The following VAT1L variants were observed in gnomAD, a reference collection of about 807,000 sequenced individuals.
VAT1L encodes the protein putative NADPH-dependent quinone oxidoreductase VAT1L.
In VAT1L, 34 loss-of-function variants were observed where a neutral mutation model predicts 44.1. That is an observed-to-expected ratio of 0.77 (90% CI 0.59 to 1.03). The LOEUF (loss-of-function observed/expected upper bound fraction) is 1.03, where lower values mean the gene tolerates loss of function less well. Among genes scored for constraint, VAT1L ranks in the 50% least tolerant of loss-of-function variants. The probability of loss-of-function intolerance (pLI) is 0.00; values close to 1 mark genes in which losing one functional copy is unlikely to be tolerated. For synonymous variants in VAT1L, 253 were observed against 202.2 expected (o/e 1.25, Z -2.13); for missense variants, 615 against 538.8 (o/e 1.14, Z -1.40).
intron 7 of VAT1L, among the ~76,000 whole-genome samples, chr16:77,964,159 GCT>G (rs1567524073): frequency 6.6e-6 from 1 of 152,078 alleles, no homozygotes; most frequent in African/African-American, 2.4e-5. Flanking sequence ...CTATTGCTCA[GCT>G]CTTTCTGTGG....
intron 7 of VAT1L, among the ~76,000 whole-genome samples, chr16:77,923,120 C>T (rs570573815): frequency 6.6e-6 from 1 of 152,298 alleles, no homozygotes; most frequent in East Asian, 1.9e-4. Context: ...CCCCCCGAAC[C>T]TCGGCTTCTG....
chr16:77,951,874 G>A (rs115127209), intron 7 of VAT1L, among the ~76,000 whole-genome samples: 48 of 150,800 alleles, frequency 3.2e-4, no homozygotes, highest in African/African-American at 1.1e-3. Flanking sequence ...CAAACTGAAA[G>A]CTGTTACTAG....
chr16:77,828,288 A>G (rs950700989), intron 3 of VAT1L, among the ~76,000 whole-genome samples: 4 of 152,236 alleles, frequency 2.6e-5, no homozygotes, highest in Non-Finnish European at 1.5e-5. Context: ...CTTTACAGGT[A>G]TGACTAAAGT....
intron 1 of VAT1L, among the ~76,000 whole-genome samples, chr16:77,814,807 T>C (rs1027066695): frequency 2.0e-5 from 3 of 152,196 alleles, no homozygotes; most frequent in Non-Finnish European, 4.4e-5. Flanking sequence ...ATAGCTGAAG[T>C]TTTTCCATGT....
intron 3 of VAT1L, among the ~76,000 whole-genome samples, chr16:77,847,987 C>T (rs1040743943): frequency 3.9e-5 from 6 of 152,096 alleles, no homozygotes; most frequent in Admixed American, 2.0e-4. Flanking sequence ...GTCCCCTGGA[C>T]GTAGTGCCAT....
intron 7 of VAT1L, among the ~76,000 whole-genome samples, chr16:77,949,658 T>TA (rs1225484089): frequency 1.3e-5 from 2 of 152,192 alleles, no homozygotes; most frequent in African/African-American, 4.8e-5. Flanking sequence ...TCTCACTGTG[T>TA]GATCTCTGCA....
At chr16:77,805,864 C>A in intron 1 of VAT1L, among the ~76,000 whole-genome samples, 1 of 54,290 alleles carries the variant, frequency 1.8e-5, no homozygotes, top group South Asian at 7.0e-4. Flanking sequence ...TTAGTCTCTG[C>A]CTTTTTTTTT....
chr16:77,974,625 C>G (rs750627416), intron 8 of VAT1L, among the ~76,000 whole-genome samples: 1 of 152,120 alleles, frequency 6.6e-6, no homozygotes, highest in Non-Finnish European at 1.5e-5. Context: ...GGCAATGGCA[C>G]AATCTCGGCT....
At chr16:77,965,100 T>A (rs1270456544) in intron 7 of VAT1L, among the ~76,000 whole-genome samples, 3 of 152,092 alleles carry the variant, frequency 2.0e-5, no homozygotes, top group African/African-American at 7.2e-5. Context: ...GTAGCACATT[T>A]TTTTTTATGA....
intron 7 of VAT1L, among the ~76,000 whole-genome samples, chr16:77,929,110 A>G (rs992431252): frequency 3.3e-5 from 5 of 152,202 alleles, no homozygotes; most frequent in African/African-American, 9.6e-5. Context: ...CACCGTGCCT[A>G]GCCGCTCTAT....
chr16:77,966,966 C>T (rs888826420), intron 7 of VAT1L, among the ~76,000 whole-genome samples: 1 of 143,526 alleles, frequency 7.0e-6, no homozygotes, highest in Non-Finnish European at 1.5e-5. Context: ...AAAAGCACCT[C>T]TGGTGGTCCC....
chr16:77,823,504 T>A (rs75823573), intron 2 of VAT1L, among the ~76,000 whole-genome samples: 2 of 152,148 alleles, frequency 1.3e-5, no homozygotes, highest in Non-Finnish European at 2.9e-5. Flanking sequence ...GGGTGCTCAT[T>A]GTGATGTCAT....
chr16:77,872,162 G>A (rs1306763670), intron 4 of VAT1L, among the ~76,000 whole-genome samples: 1 of 152,096 alleles, frequency 6.6e-6, no homozygotes, highest in African/African-American at 2.4e-5. Flanking sequence ...GTAAGTAGCA[G>A]AAATGAATGC....
intron 5 of VAT1L, among the ~76,000 whole-genome samples, chr16:77,878,070 G>C (rs956421493): frequency 5.3e-5 from 8 of 152,130 alleles, no homozygotes; most frequent in Non-Finnish European, 1.2e-4. Context: ...AATTCAACTT[G>C]ATTAATCCCA....
intron 7 of VAT1L, among the ~76,000 whole-genome samples, chr16:77,913,568 CCTTG>C (rs2017520909): frequency 6.6e-6 from 1 of 152,054 alleles, no homozygotes; most frequent in African/African-American, 2.4e-5. Flanking sequence ...GGATGCCCTT[CCTTG>C]CTTGTTAGTC....
At chr16:77,913,125 C>T (rs147639553) in intron 7 of VAT1L, among the ~76,000 whole-genome samples, 1 of 152,250 alleles carries the variant, frequency 6.6e-6, no homozygotes, top group African/African-American at 2.4e-5. Context: ...TGCTACAAAA[C>T]ATTTAGAAAG....
At position 77,859,743 on chromosome 16, in the gene VAT1L, G is replaced by T. The variant is rs542370791; in HGVS notation, c.580-3005G>T. On this transcript the variant is annotated intron_variant, in intron 3 of 8. Coordinates refer to ENST00000302536, the MANE Select transcript of VAT1L (RefSeq NM_020927.3). ...TAACACAGTTTCTGAATATAGGGACGTGGGGTTGAGGGAGGAAGAGGAGGC... is the reference window on the plus strand; with the variant it reads ...TAACACAGTTTCTGAATATAGGGACTTGGGGTTGAGGGAGGAAGAGGAGGC... Among the ~76,000 whole-genome samples the T allele has an allele frequency of 1.8e-4, 27 of 152,302 alleles. No individual in the cohort carries two copies. The East Asian group carries it at 3.9e-3, about 22-fold the overall frequency.
intron 7 of VAT1L, among the ~76,000 whole-genome samples, chr16:77,968,392 C>G (rs1195198751): frequency 6.6e-6 from 1 of 152,144 alleles, no homozygotes; most frequent in Non-Finnish European, 1.5e-5. Flanking sequence ...AGGAGGAACA[C>G]GTTCACCCTG....
At chr16:77,840,322 G>A (rs2145258971) in intron 3 of VAT1L, among the ~76,000 whole-genome samples, 1 of 152,288 alleles carries the variant, frequency 6.6e-6, no homozygotes, top group African/African-American at 2.4e-5. Flanking sequence ...ACACGTGAAT[G>A]GTTATTTCGA....
Sources: allele counts gnomAD v4.1 joint callset (sites outside exome capture counted in the v4.1 genomes callset), GRCh38; gene constraint gnomAD v4.1.1; transcripts MANE v1.5; gene names NCBI Gene and HGNC (gene_info 2026-07-23, HGNC 2026-07-21).